ATRNL1: variants seen among roughly 807,000 people sequenced by gnomAD.
The protein encoded by ATRNL1 is attractin like 1.
A neutral mutation model predicts 182.7 loss-of-function variants in ATRNL1; 95 were observed. The observed-to-expected ratio is 0.52, with a 90% CI of 0.44 to 0.62. The LOEUF (loss-of-function observed/expected upper bound fraction) is 0.62, where lower values mean the gene tolerates loss of function less well. ATRNL1 is among the 20% of genes least tolerant of loss of function. The pLI is 0.00. For missense variants in ATRNL1, 1,471 were observed against 1,679.5 expected (o/e 0.88, Z 2.17); for synonymous variants, 576 against 568.3 (o/e 1.01, Z -0.19).
At chr10:115,751,623 C>G (rs1948451123) in intron 27 of ATRNL1, among the ~76,000 whole-genome samples, 1 of 151,914 alleles carries the variant, frequency 6.6e-6, no homozygotes, top group Admixed American at 6.6e-5. Flanking sequence ...GCAAAAAATA[C>G]TGGGAACAAC....
chr10:115,909,530 A>T (rs1416772391), intron 28 of ATRNL1: 2 of 149,906 alleles, frequency 1.3e-5, no homozygotes, highest in Middle Eastern at 3.2e-3. Flanking sequence ...CCCAAACCAG[A>T]TCTGCTTGCC....
At chr10:115,161,526 G>A (rs1285334593) in intron 6 of ATRNL1, among the ~76,000 whole-genome samples, 1 of 151,966 alleles carries the variant, frequency 6.6e-6, no homozygotes, top group Non-Finnish European at 1.5e-5. Context: ...TTCCAAAGTC[G>A]AGTTTGTAAG....
At chr10:115,889,611 G>A (rs1329764128) in intron 28 of ATRNL1, among the ~76,000 whole-genome samples, 1 of 152,180 alleles carries the variant, frequency 6.6e-6, no homozygotes, top group Non-Finnish European at 1.5e-5. Context: ...CTGCTATACA[G>A]TCATTCTTTC....
At chr10:115,697,329 A>G (rs1360913809) in intron 26 of ATRNL1, among the ~76,000 whole-genome samples, 1 of 152,112 alleles carries the variant, frequency 6.6e-6, no homozygotes, top group Non-Finnish European at 1.5e-5. Context: ...ATACTTTACA[A>G]TACAAGCATG....
chr10:115,742,170 A>G (rs1448229813), intron 27 of ATRNL1, among the ~76,000 whole-genome samples: 3 of 152,160 alleles, frequency 2.0e-5, no homozygotes, highest in Admixed American at 2.0e-4. Context: ...CCCATTTTGA[A>G]ACTGACAATA....
intron 19 of ATRNL1, among the ~76,000 whole-genome samples, chr10:115,339,218 A>T (rs781820639): frequency 1.3e-5 from 2 of 151,824 alleles, no homozygotes; most frequent in African/African-American, 4.8e-5. Context: ...GTGGTTCCAT[A>T]TATATTTTAA....
At chr10:115,525,208 A>G (rs1554986236) in intron 25 of ATRNL1, among the ~76,000 whole-genome samples, 1 of 152,154 alleles carries the variant, frequency 6.6e-6, no homozygotes, top group African/African-American at 2.4e-5. Flanking sequence ...CAGATGTTAA[A>G]TAGTACCACT....
intron 28 of ATRNL1, among the ~76,000 whole-genome samples, chr10:115,903,236 T>C (rs890121509): frequency 6.6e-6 from 1 of 152,206 alleles, no homozygotes; most frequent in Non-Finnish European, 1.5e-5. Flanking sequence ...TGGTGGGTGC[T>C]AAGTTCAAAC....
At chr10:115,728,128 G>GAAAAAA (rs3087144) in intron 27 of ATRNL1, among the ~76,000 whole-genome samples, 1 of 112,930 alleles carries the variant, frequency 8.9e-6, no homozygotes, top group Admixed American at 1.1e-4. Context: ...AAAAAAAAAA[G>GAAAAAA]AAAAAAAAAA....
At chr10:115,094,449 A>G (rs193209677) in intron 1 of ATRNL1, among the ~76,000 whole-genome samples, 70 of 152,280 alleles carry the variant, frequency 4.6e-4, no homozygotes, top group African/African-American at 1.6e-3. Context: ...AAAATTCACA[A>G]AAGTGTAAAG....
chr10:115,883,800 G>A (rs1440112718), intron 28 of ATRNL1, among the ~76,000 whole-genome samples: 1 of 152,202 alleles, frequency 6.6e-6, no homozygotes, highest in Admixed American at 6.5e-5. Flanking sequence ...TAAGGCCTGG[G>A]CCTTCTGCCT....
At chr10:115,778,787 C>T (rs1425260548) in intron 27 of ATRNL1, among the ~76,000 whole-genome samples, 1 of 152,080 alleles carries the variant, frequency 6.6e-6, no homozygotes, top group African/African-American at 2.4e-5. Context: ...AGTCTGGTAG[C>T]TTGTGTAGGA....
chr10:115,236,734 G>A (rs181240182), intron 9 of ATRNL1, among the ~76,000 whole-genome samples: 5 of 152,124 alleles, frequency 3.3e-5, no homozygotes, highest in Admixed American at 1.3e-4. Flanking sequence ...CAGTCAGTGG[G>A]TCAATGTTGA....
At chr10:115,184,140 G>C (rs1847848823) in intron 8 of ATRNL1, among the ~76,000 whole-genome samples, 1 of 151,072 alleles carries the variant, frequency 6.6e-6, no homozygotes, top group African/African-American at 2.4e-5. Flanking sequence ...TATATTAGTA[G>C]GTCAAAGGAG....
chr10:115,779,564 C>T (rs1453714903), intron 27 of ATRNL1, among the ~76,000 whole-genome samples: 3 of 152,176 alleles, frequency 2.0e-5, no homozygotes, highest in South Asian at 4.1e-4. Context: ...CCTTTTGGCT[C>T]CTGCCAAAAG....
intron 26 of ATRNL1, among the ~76,000 whole-genome samples, chr10:115,603,704 GAA>G (rs1238273122): frequency 2.6e-5 from 4 of 152,098 alleles, no homozygotes; most frequent in African/African-American, 9.7e-5. Context: ...ATTTTGAGAT[GAA>G]AAAGTTTTGA....
chr10:115,136,796 A>T (rs1313292935), intron 5 of ATRNL1, among the ~76,000 whole-genome samples: 1 of 152,216 alleles, frequency 6.6e-6, no homozygotes, highest in Non-Finnish European at 1.5e-5. Flanking sequence ...AGCACTGAAT[A>T]ATATTCCATT....
intron 9 of ATRNL1, among the ~76,000 whole-genome samples, chr10:115,241,126 A>G (rs1314224643): frequency 1.3e-5 from 2 of 151,998 alleles, no homozygotes; most frequent in East Asian, 1.9e-4. Flanking sequence ...TGCATGTTAT[A>G]CTTAAATAAA....
intron 8 of ATRNL1, among the ~76,000 whole-genome samples, chr10:115,178,936 A>G (rs1339230340): frequency 6.6e-6 from 1 of 152,046 alleles, no homozygotes; most frequent in Non-Finnish European, 1.5e-5. Context: ...TTCTAAAAAA[A>G]TTTATATTCT....
Sources: allele counts gnomAD v4.1 joint callset (sites outside exome capture counted in the v4.1 genomes callset), GRCh38; gene constraint gnomAD v4.1.1; transcripts MANE v1.5; gene names NCBI Gene and HGNC (gene_info 2026-07-23, HGNC 2026-07-21).